Variants in TENM3 observed in about 807,000 individuals in gnomAD.
TENM3 encodes teneurin-3.
Under a neutral mutation model 255.1 loss-of-function variants are expected in TENM3, and 63 were observed. The ratio of observed to expected loss-of-function variants is 0.25; its 90% CI spans 0.20 to 0.30. The LOEUF (loss-of-function observed/expected upper bound fraction) is 0.30, where lower values mean the gene tolerates loss of function less well. Ranked by LOEUF, TENM3 falls within the 10% of genes least tolerant of loss-of-function variation. The pLI is 1.00. For missense variants in TENM3, 2,929 were observed against 3,461.1 expected (o/e 0.85, Z 3.86); for synonymous variants, 1,306 against 1,322.3 (o/e 0.99, Z 0.27).
At chr4:182,187,921 G>T (rs1409115028) in intron 1 of TENM3, among the ~76,000 whole-genome samples, 1 of 152,056 alleles carries the variant, frequency 6.6e-6, no homozygotes, top group Non-Finnish European at 1.5e-5. Flanking sequence ...AAATTAAACA[G>T]TATTTTTAAG....
the TENM3 span, among the ~76,000 whole-genome samples, chr4:181,966,979 C>T: frequency 1.3e-5 from 2 of 152,088 alleles, no homozygotes; most frequent in South Asian, 2.1e-4. Context: ...CCTTCGTTCC[C>T]TCACACCATA....
At chr4:182,100,864 T>TACTC in the TENM3 span, among the ~76,000 whole-genome samples, 2 of 642 alleles carry the variant, frequency 3.1e-3, 1 homozygote, top group Non-Finnish European at 0.013. Flanking sequence ...TATACTCATA[T>TACTC]ATATATATAT....
At chr4:182,352,870 G>C (rs957318745) in intron 3 of TENM3, among the ~76,000 whole-genome samples, 3 of 152,026 alleles carry the variant, frequency 2.0e-5, no homozygotes, top group Admixed American at 6.6e-5. Flanking sequence ...TTGCAATCCA[G>C]ATTTTCTTGT....
chr4:182,684,439 C>CAAAAAAAAAA (rs397996500), intron 11 of TENM3, among the ~76,000 whole-genome samples: 30,427 of 70,130 alleles, frequency 0.43, 6,852 homozygotes, highest in Middle Eastern at 0.49. Flanking sequence ...GGCCCCATCA[C>CAAAAAAAAAA]AAAAAAAAAA....
the TENM3 span, among the ~76,000 whole-genome samples, chr4:181,640,063 C>T: frequency 1.3e-5 from 2 of 152,314 alleles, no homozygotes; most frequent in African/African-American, 4.8e-5. Flanking sequence ...ACAGACAGCA[C>T]TCACCAAAAG....
the TENM3 span, among the ~76,000 whole-genome samples, chr4:181,607,361 C>T: frequency 1.9e-4 from 29 of 151,988 alleles, no homozygotes; most frequent in South Asian, 1.5e-3. Context: ...CAGCTAATGA[C>T]GGAGGAACTC....
the TENM3 span, among the ~76,000 whole-genome samples, chr4:181,973,754 C>T: frequency 6.6e-6 from 1 of 152,090 alleles, no homozygotes; most frequent in Non-Finnish European, 1.5e-5. Flanking sequence ...GAGCCAGGCC[C>T]TAGAGCTAAA....
chr4:182,526,043 G>A (rs569695515), intron 3 of TENM3, among the ~76,000 whole-genome samples: 27 of 152,172 alleles, frequency 1.8e-4, no homozygotes, highest in Admixed American at 5.2e-4. Context: ...GCAGTGGTGC[G>A]ATCTCGGCTT....
intron 3 of TENM3, among the ~76,000 whole-genome samples, chr4:182,432,382 T>C (rs1435630355): frequency 6.6e-6 from 1 of 152,188 alleles, no homozygotes; most frequent in Non-Finnish European, 1.5e-5. Context: ...TTACATTGGA[T>C]TGTAGTCAGG....
At chr4:181,543,630 G>A in the TENM3 span, among the ~76,000 whole-genome samples, 3 of 152,258 alleles carry the variant, frequency 2.0e-5, no homozygotes, top group East Asian at 1.9e-4. Context: ...CCACCTGCTG[G>A]CCTACTGCCA....
At chr4:182,223,625 A>T (rs1755971472) in intron 1 of TENM3, among the ~76,000 whole-genome samples, 1 of 152,302 alleles carries the variant, frequency 6.6e-6, no homozygotes, top group South Asian at 2.1e-4. Context: ...TCCTTTATAT[A>T]AATGAGAAAA....
At chr4:181,939,053 A>C in the TENM3 span, among the ~76,000 whole-genome samples, 1 of 152,212 alleles carries the variant, frequency 6.6e-6, no homozygotes, top group Admixed American at 6.5e-5. Flanking sequence ...GGGGTTAATA[A>C]GTAATGTAAG....
chr4:181,529,539 A>G, the TENM3 span, among the ~76,000 whole-genome samples: 13 of 152,242 alleles, frequency 8.5e-5, no homozygotes, highest in African/African-American at 3.1e-4. Context: ...ACAGCCTAAG[A>G]TAACTACAAT....
At chr4:182,702,958 G>C (rs1003174332) in intron 12 of TENM3, among the ~76,000 whole-genome samples, 1 of 151,848 alleles carries the variant, frequency 6.6e-6, no homozygotes, top group Non-Finnish European at 1.5e-5. Context: ...GGATGGTCTC[G>C]ATCTCCTGAC....
chr4:181,596,705 G>A, the TENM3 span, among the ~76,000 whole-genome samples: 2 of 152,082 alleles, frequency 1.3e-5, no homozygotes, highest in East Asian at 3.9e-4. Context: ...TGATAGACTG[G>A]ATAAAGAAAA....
At chr4:181,826,523 A>C in the TENM3 span, among the ~76,000 whole-genome samples, 1 of 152,220 alleles carries the variant, frequency 6.6e-6, no homozygotes, top group Non-Finnish European at 1.5e-5. Context: ...TCTCTAGATA[A>C]ATTTGAATCC....
At chr4:182,322,010 G>A (rs1237358433) in intron 1 of TENM3, among the ~76,000 whole-genome samples, 1 of 152,074 alleles carries the variant, frequency 6.6e-6, no homozygotes, top group Non-Finnish European at 1.5e-5. Flanking sequence ...GTGAATTGGT[G>A]TGTTGTTGTT....
intron 1 of TENM3, among the ~76,000 whole-genome samples, chr4:182,232,621 C>T (rs983220672): frequency 1.3e-5 from 2 of 151,920 alleles, no homozygotes; most frequent in Middle Eastern, 3.2e-3. Context: ...CACTTGAACT[C>T]GGAGACCAAG....
chr4:181,577,931 C>G, the TENM3 span, among the ~76,000 whole-genome samples: 1 of 152,308 alleles, frequency 6.6e-6, no homozygotes, highest in Admixed American at 6.5e-5. Context: ...TCCACCCTTT[C>G]AGTTTTCCTC....
Sources: allele counts gnomAD v4.1 joint callset (sites outside exome capture counted in the v4.1 genomes callset), GRCh38; gene constraint gnomAD v4.1.1; transcripts MANE v1.5; gene names NCBI Gene and HGNC (gene_info 2026-07-23, HGNC 2026-07-21).